ABTB2: variants seen among roughly 807,000 people sequenced by gnomAD.
The protein encoded by ABTB2 is ankyrin repeat and BTB/POZ domain-containing protein 2.
ABTB2 carries 56 observed loss-of-function variants against 104.1 expected under a neutral mutation model. The ratio of observed to expected loss-of-function variants is 0.54; its 90% CI spans 0.43 to 0.67. The LOEUF (loss-of-function observed/expected upper bound fraction) is 0.67. Ranked by LOEUF, ABTB2 falls within the 30% of genes least tolerant of loss-of-function variation. The pLI, the probability that ABTB2 is intolerant of heterozygous loss-of-function variation, is 0.00. For synonymous variants in ABTB2, 606 were observed against 608.2 expected (o/e 1.00, Z 0.05); for missense variants, 1,279 against 1,407.7 (o/e 0.91, Z 1.46).
intron 1 of ABTB2, among the ~76,000 whole-genome samples, chr11:34,241,610 A>C (rs1853916571): frequency 6.6e-6 from 1 of 152,220 alleles, no homozygotes; most frequent in African/African-American, 2.4e-5. Context: ...TTAAAAGACT[A>C]GCTGGCCATG....
intron 1 of ABTB2, among the ~76,000 whole-genome samples, chr11:34,265,686 A>T (rs1463580124): frequency 1.4e-5 from 2 of 147,990 alleles, no homozygotes; most frequent in African/African-American, 5.0e-5. Flanking sequence ...AAAAAAAAAA[A>T]AGCCGGGCAC....
chr11:34,324,925 C>A (rs2133113121), intron 1 of ABTB2, among the ~76,000 whole-genome samples: 1 of 152,358 alleles, frequency 6.6e-6, no homozygotes, highest in South Asian at 2.1e-4. Flanking sequence ...GAGTCCACAT[C>A]TGAAAAGTGC....
intron 3 of ABTB2, among the ~76,000 whole-genome samples, chr11:34,191,576 T>G (rs1185437345): frequency 6.6e-6 from 1 of 152,128 alleles, no homozygotes; most frequent in Admixed American, 6.5e-5. Context: ...GAACTACATA[T>G]CAGACTTCTC....
At position 34,176,406 on chromosome 11, in the gene ABTB2, C is replaced by T. The variant is rs534159345; in HGVS notation, c.1245-3099G>A. Among the ~76,000 whole-genome samples the T allele has an allele frequency of 9.9e-5, 15 of 152,168 alleles. No homozygotes were observed. The South Asian group carries it at 2.1e-3, about 21-fold the overall frequency. The stretch of plus-strand genomic sequence containing the variant: ...CTAACCAGACTGTTCCTTCTAAGCA[C>T]GGGAACAATGACTTCCTCATCTCTG... On this transcript the variant is annotated intron_variant, in intron 3 of 16. Coordinates refer to ENST00000435224, the MANE Select transcript of ABTB2 (RefSeq NM_145804.3).
At chr11:34,234,896 C>T (rs951375044) in intron 1 of ABTB2, among the ~76,000 whole-genome samples, 2 of 152,144 alleles carry the variant, frequency 1.3e-5, no homozygotes, top group Non-Finnish European at 2.9e-5. Context: ...CTCGCTCCTT[C>T]GCCCAGGCTG....
chr11:34,315,010 C>T (rs971201039), intron 1 of ABTB2, among the ~76,000 whole-genome samples: 4 of 152,176 alleles, frequency 2.6e-5, no homozygotes, highest in African/African-American at 7.2e-5. Flanking sequence ...CCAGAAAGGC[C>T]GCTGCAGATT....
intron 1 of ABTB2, among the ~76,000 whole-genome samples, chr11:34,213,495 A>C (rs1011809913): frequency 1.3e-5 from 2 of 152,152 alleles, no homozygotes; most frequent in African/African-American, 4.8e-5. Flanking sequence ...ACAAACAAAC[A>C]AAACTAGACA....
chr11:34,353,121 AT>A (rs1467925264), intron 1 of ABTB2, among the ~76,000 whole-genome samples: 1 of 152,234 alleles, frequency 6.6e-6, no homozygotes, highest in Non-Finnish European at 1.5e-5. Flanking sequence ...TCAAACTCTC[AT>A]GGTGAATCCA....
At chr11:34,331,526 G>A (rs1018622105) in intron 1 of ABTB2, among the ~76,000 whole-genome samples, 1 of 152,146 alleles carries the variant, frequency 6.6e-6, no homozygotes, top group Non-Finnish European at 1.5e-5. Context: ...ATGGTAACTG[G>A]AGCAATTTGG....
At chr11:34,336,624 C>G (rs977155267) in intron 1 of ABTB2, among the ~76,000 whole-genome samples, 3 of 151,846 alleles carry the variant, frequency 2.0e-5, no homozygotes, top group Non-Finnish European at 2.9e-5. Context: ...GCCTAGGTGA[C>G]AGAGGGAGGC....
At chr11:34,275,297 C>G (rs997425366) in intron 1 of ABTB2, among the ~76,000 whole-genome samples, 5 of 152,198 alleles carry the variant, frequency 3.3e-5, no homozygotes, top group Non-Finnish European at 7.3e-5. Flanking sequence ...CCATTCTCCT[C>G]CCCTCCTGGA....
At position 34,299,310 on chromosome 11, in the gene ABTB2, A is replaced by C. The variant is rs192155726; in HGVS notation, c.883+57391T>G. Among the ~76,000 whole-genome samples the C allele has an allele frequency of 7.9e-5, 12 of 152,312 alleles. No individual in the cohort carries two copies. In the East Asian group the frequency reaches 2.1e-3, roughly 27 times the overall value. ...GATCATTTCTAGGACACGGCTATAC[A>C]CGATGGTCATGGACCAAAGAAAATG... On this transcript the variant is annotated intron_variant, in intron 1 of 16. Transcript: ENST00000435224.
Position 34,232,449 on chromosome 11 carries a change from C to CA in ABTB2, c.884-27760dup, listed in dbSNP as rs67998044. 2.8e-3 allele frequency among the ~76,000 whole-genome samples: 320 copies of CA among 115,362 alleles called. 3 individuals carry two copies. Among genetic ancestry groups the CA allele is most frequent in the South Asian group, 0.012 (46 of 3,842 alleles). 75.7% of individuals were successfully genotyped at this position (115,362 alleles called of 152,430 possible). A position where few individuals can be genotyped will look rare whatever the true frequency, so the allele number is the denominator to read the frequency against. On this transcript the variant is annotated intron_variant, in intron 1 of 16. Transcript: ENST00000435224. Reference sequence around the variant, plus strand: ...TGGGCAATAGAGGGAGACTCTGTCTCAAAAAAAAAAAAAAAAATTGTTCTT... The same window carrying CA: ...TGGGCAATAGAGGGAGACTCTGTCTCAAAAAAAAAAAAAAAAAATTGTTCTT...
chr11:34,168,224 C>T (rs1172223176), intron 5 of ABTB2, among the ~76,000 whole-genome samples: 2 of 152,190 alleles, frequency 1.3e-5, no homozygotes, highest in African/African-American at 2.4e-5. Flanking sequence ...CAGCACAGGC[C>T]GTGCAGCCAG....
At chr11:34,227,201 G>C (rs542384607) in intron 1 of ABTB2, among the ~76,000 whole-genome samples, 1 of 151,664 alleles carries the variant, frequency 6.6e-6, no homozygotes, top group Admixed American at 6.6e-5. Flanking sequence ...TTGAACCCAG[G>C]AGGCGTAGGT....
rs1420423929 is a variant in ABTB2, at chr11:34,154,034, G to C, written c.2880+231C>G. ...GGTGGCAGAGCTGGAATGTGAACTA[G>C]GGTGCAGCTGGCTCAAAAGCTCACC... is the stretch of plus-strand genomic sequence containing the variant. On this transcript the variant is annotated intron_variant, in intron 16 of 16. Coordinates refer to ENST00000435224, the MANE Select transcript of ABTB2 (RefSeq NM_145804.3). The surrounding 1 kb of genome is among the most constrained non-coding windows in gnomAD (Gnocchi z 4.9). Among the ~76,000 whole-genome samples, 1 of 152,174 alleles carries C rather than the reference G, an allele frequency of 6.6e-6. No homozygotes were observed. Among genetic ancestry groups the C allele is most frequent in the Non-Finnish European group, 1.5e-5 (1 of 68,026 alleles).
chr11:34,313,495 C>A (rs1854884109), intron 1 of ABTB2, among the ~76,000 whole-genome samples: 1 of 152,248 alleles, frequency 6.6e-6, no homozygotes, highest in African/African-American at 2.4e-5. Flanking sequence ...CCCCTTGGGG[C>A]CCAGGCTCCC....
chr11:34,235,979 A>G (rs2133059996), intron 1 of ABTB2, among the ~76,000 whole-genome samples: 2 of 152,296 alleles, frequency 1.3e-5, no homozygotes, highest in Middle Eastern at 6.8e-3. Flanking sequence ...TGCTGCCCAC[A>G]CTCAGAAGCA....
chr11:34,196,471 G>A (rs551390588), intron 3 of ABTB2, among the ~76,000 whole-genome samples: 17 of 152,268 alleles, frequency 1.1e-4, no homozygotes, highest in Admixed American at 2.6e-4. Flanking sequence ...GGAGAATGGC[G>A]TGAACCTTGG....
Sources: allele counts gnomAD v4.1 joint callset (sites outside exome capture counted in the v4.1 genomes callset), GRCh38; gene constraint gnomAD v4.1.1; non-coding constraint Gnocchi (gnomAD v3.1); transcripts MANE v1.5; gene names NCBI Gene and HGNC (gene_info 2026-07-23, HGNC 2026-07-21).